ITGBL1: variants seen among roughly 807,000 people sequenced by gnomAD.
ITGBL1 encodes integrin subunit beta like 1.
ITGBL1 carries 51 observed loss-of-function variants against 68.5 expected under a neutral mutation model. That is an observed-to-expected ratio of 0.74 (90% CI 0.59 to 0.94). ITGBL1 has a LOEUF of 0.94. ITGBL1 is among the 40% of genes least tolerant of loss of function. The pLI, the probability that ITGBL1 is intolerant of heterozygous loss-of-function variation, is 0.00. For synonymous variants in ITGBL1, 209 were observed against 227.3 expected (o/e 0.92, Z 0.72); for missense variants, 649 against 647.4 (o/e 1.00, Z -0.03).
intron 7 of ITGBL1, among the ~76,000 whole-genome samples, chr13:101,627,343 C>G (rs1374959808): frequency 6.6e-6 from 1 of 151,952 alleles, no homozygotes; most frequent in Non-Finnish European, 1.5e-5. Flanking sequence ...ACAGAAAGTA[C>G]AGGGAGATCC....
At chr13:101,601,332 C>A (rs2139334423) in intron 7 of ITGBL1, among the ~76,000 whole-genome samples, 1 of 152,166 alleles carries the variant, frequency 6.6e-6, no homozygotes, top group Admixed American at 6.5e-5. Flanking sequence ...CTCTTTTCTT[C>A]TTTATTAGTC....
At chr13:101,505,095 T>C (rs967463707) in intron 2 of ITGBL1, among the ~76,000 whole-genome samples, 1 of 148,668 alleles carries the variant, frequency 6.7e-6, no homozygotes, top group Non-Finnish European at 1.5e-5. Context: ...ATTATAAACA[T>C]TTAAAGCTGA....
intron 7 of ITGBL1, among the ~76,000 whole-genome samples, chr13:101,690,309 C>A (rs1413493926): frequency 2.0e-5 from 3 of 152,070 alleles, no homozygotes; most frequent in African/African-American, 7.2e-5. Flanking sequence ...GTGTTTAGTT[C>A]ATCTTTTCTG....
intron 7 of ITGBL1, among the ~76,000 whole-genome samples, chr13:101,613,371 T>C (rs1272312910): frequency 2.0e-5 from 3 of 152,118 alleles, no homozygotes; most frequent in Non-Finnish European, 4.4e-5. Flanking sequence ...CCACTCTCAG[T>C]GCTGAGAAAA....
At chr13:101,642,660 A>T (rs1415720366) in intron 7 of ITGBL1, among the ~76,000 whole-genome samples, 3 of 151,362 alleles carry the variant, frequency 2.0e-5, no homozygotes, top group African/African-American at 4.9e-5. Flanking sequence ...CTGAATGGTA[A>T]TGCCTAGGTT....
chr13:101,675,086 A>G (rs192383451), intron 7 of ITGBL1, among the ~76,000 whole-genome samples: 38 of 152,122 alleles, frequency 2.5e-4, no homozygotes, highest in African/African-American at 8.9e-4. Context: ...TAATTTGACA[A>G]TTTTTTTCAG....
intron 7 of ITGBL1, among the ~76,000 whole-genome samples, chr13:101,603,334 CA>C (rs2030504753): frequency 6.6e-6 from 1 of 151,910 alleles, no homozygotes; most frequent in Admixed American, 6.6e-5. Flanking sequence ...TTCTCATATC[CA>C]TTATTTTCCC....
chr13:101,532,427 A>G (rs1477368437), intron 2 of ITGBL1, among the ~76,000 whole-genome samples: 1 of 152,210 alleles, frequency 6.6e-6, no homozygotes, highest in African/African-American at 2.4e-5. Flanking sequence ...ATGTTAATAT[A>G]TATTTTTGGA....
At chr13:101,698,399 A>G (rs2034051824) in intron 8 of ITGBL1, among the ~76,000 whole-genome samples, 1 of 152,258 alleles carries the variant, frequency 6.6e-6, no homozygotes, top group South Asian at 2.1e-4. Context: ...TAGGTTGGAT[A>G]AATTAGCAAT....
In ITGBL1 at chr13:101,481,146, G is replaced by GTA. The variant is rs34220008; in HGVS notation, c.316+27060_316+27061dup. The stretch of plus-strand genomic sequence containing the variant: ...TATATACACATGTGCATATATATAT[G>GTA]TATATATATATATATGAGAGAGAGC... On this transcript the variant is annotated intron_variant, in intron 2 of 10. Transcript: ENST00000376180. 4.3e-3 allele frequency among the ~76,000 whole-genome samples: 620 copies of GTA among 145,290 alleles called. 1 individual carries two copies. The highest frequency in any genetic ancestry group is 5.6e-3 in the African/African-American group (222 of 39,336).
rs912558800 is a variant in ITGBL1, at chr13:101,512,999, C to G, written c.317-54700C>G. Among the ~76,000 whole-genome samples, 3 of 152,020 alleles carry G rather than the reference C, an allele frequency of 2.0e-5. 1 individual carries two copies. The highest frequency in any genetic ancestry group is 1.3e-4 in the Admixed American group (2 of 15,220). On this transcript the variant is annotated intron_variant, in intron 2 of 10. Coordinates refer to ENST00000376180, the MANE Select transcript of ITGBL1 (RefSeq NM_004791.3). ...CTTTCTTTGCTAAAAATCTTGCATT[C>G]TTTCATTTGGCAAGCATTTTGTCAA...
At chr13:101,467,608 C>T (rs1018280690) in intron 2 of ITGBL1, among the ~76,000 whole-genome samples, 9 of 152,164 alleles carry the variant, frequency 5.9e-5, no homozygotes, top group African/African-American at 2.2e-4. Flanking sequence ...TACTCTAAAT[C>T]ATCTTACTTA....
chr13:101,632,224 T>C (rs948699992), intron 7 of ITGBL1, among the ~76,000 whole-genome samples: 1 of 152,000 alleles, frequency 6.6e-6, no homozygotes, highest in Non-Finnish European at 1.5e-5. Context: ...AATACAAAGG[T>C]AAACAACCCA....
intron 2 of ITGBL1, among the ~76,000 whole-genome samples, chr13:101,463,287 T>C (rs1305862580): frequency 6.6e-6 from 1 of 152,194 alleles, no homozygotes; most frequent in Non-Finnish European, 1.5e-5. Flanking sequence ...TGAACTATTA[T>C]ATCCCAACAA....
intron 2 of ITGBL1, among the ~76,000 whole-genome samples, chr13:101,560,846 T>C (rs1338712096): frequency 6.6e-6 from 1 of 152,228 alleles, no homozygotes; most frequent in Non-Finnish European, 1.5e-5. Context: ...GTTTTGGGGA[T>C]GGGAGCTATA....
chr13:101,610,993 C>T (rs1311738669), intron 7 of ITGBL1, among the ~76,000 whole-genome samples: 1 of 152,028 alleles, frequency 6.6e-6, no homozygotes, highest in Non-Finnish European at 1.5e-5. Flanking sequence ...GGGACAGAAA[C>T]TCTGAGTTAT....
chr13:101,711,149 G>C (rs1027419205), intron 9 of ITGBL1: 1 of 152,168 alleles, frequency 6.6e-6, no homozygotes, highest in Non-Finnish European at 1.5e-5. Flanking sequence ...AATTCATTGT[G>C]GGTTGTTTTG....
chr13:101,691,201 G>A (rs1043486405), intron 7 of ITGBL1, among the ~76,000 whole-genome samples: 4 of 152,116 alleles, frequency 2.6e-5, no homozygotes, highest in East Asian at 3.9e-4. Flanking sequence ...AGGGAATATC[G>A]TTGAAGGAGG....
intron 9 of ITGBL1, among the ~76,000 whole-genome samples, chr13:101,707,328 T>G (rs1334350086): frequency 6.6e-6 from 1 of 152,138 alleles, no homozygotes; most frequent in Non-Finnish European, 1.5e-5. Flanking sequence ...TTTGGGAACT[T>G]CTGGGGCTAA....
Sources: allele counts gnomAD v4.1 joint callset (sites outside exome capture counted in the v4.1 genomes callset), GRCh38; gene constraint gnomAD v4.1.1; transcripts MANE v1.5; gene names NCBI Gene and HGNC (gene_info 2026-07-23, HGNC 2026-07-21).